The following NUP160 variants were observed in gnomAD, a reference collection of about 807,000 sequenced individuals.
NUP160 encodes nucleoporin 160.
NUP160 carries 94 observed loss-of-function variants against 196.9 expected under a neutral mutation model. The ratio of observed to expected loss-of-function variants is 0.48; its 90% CI spans 0.40 to 0.57. NUP160 has a LOEUF of 0.57. Among genes scored for constraint, NUP160 ranks in the 20% least tolerant of loss-of-function variants. NUP160 has a pLI of 0.00. For synonymous variants in NUP160, 605 were observed against 619.7 expected (o/e 0.98, Z 0.35); for missense variants, 1,638 against 1,748.3 (o/e 0.94, Z 1.13).
chr11:47,815,380 C>T lies in NUP160; in HGVS notation c.1686+99G>A, dbSNP rs371532050. On this transcript the variant is annotated intron_variant, in intron 13 of 35. Transcript: ENST00000378460. ...CCGCAACATTCACCAGACTAACATT[C>T]GGCAAGAGCCACTGAACTTTTTGTT... The T allele has an allele frequency of 2.4e-3, 2,026 of 861,868 alleles. 6 individuals are homozygous for T. The highest frequency in any genetic ancestry group is 4.2e-3 in the South Asian group (168 of 39,592). The allele number at this position is 861,868 out of a possible 1,614,324, so 53.4% of individuals were successfully genotyped here. A position where few individuals can be genotyped will look rare whatever the true frequency, so the allele number is the denominator to read the frequency against.
At chr11:47,792,939 T>G in exon 28 of NUP160, 1 of 1,612,010 alleles carries the variant, frequency 6.2e-7, no homozygotes, top group Non-Finnish European at 8.5e-7. Flanking sequence ...CAAACATCAC[T>G]GTGCCAGCTA....
intron 18 of NUP160, among the ~76,000 whole-genome samples, chr11:47,808,114 C>G (rs1240610779): frequency 1.3e-5 from 2 of 152,182 alleles, no homozygotes; most frequent in Non-Finnish European, 2.9e-5. Context: ...GAAACCCCAT[C>G]TCTACAAAAG....
chr11:47,846,541 C>T (rs1450359760), intron 2 of NUP160, among the ~76,000 whole-genome samples: 3 of 152,132 alleles, frequency 2.0e-5, no homozygotes, highest in Non-Finnish European at 1.5e-5. Context: ...TTTTACCATC[C>T]CTTACCCCAT....
chr11:47,805,695 T>A (rs1011681030), intron 20 of NUP160, among the ~76,000 whole-genome samples: 3 of 151,608 alleles, frequency 2.0e-5, no homozygotes, highest in Non-Finnish European at 4.4e-5. Context: ...ATCTGCCCGC[T>A]TCTGCCTCCC....
At chr11:47,822,133 C>T in exon 8 of NUP160, 1 of 1,610,516 alleles carries the variant, frequency 6.2e-7, no homozygotes, top group Non-Finnish European at 8.5e-7. Context: ...ATAGCGATTA[C>T]TCTCAGTGCT....
intron 17 of NUP160, 98 bp from the exon 18 acceptor site, chr11:47,808,627 A>G (rs1266593905): frequency 1.0e-6 from 1 of 974,700 alleles, no homozygotes; most frequent in Non-Finnish European, 1.5e-6. Context: ...TAACAAATAC[A>G]AAGGTCACAA....
rs1303168716 is a variant in NUP160 at position 47,834,106 on chromosome 11, A to G, written c.1101+1545T>C. Among the ~76,000 whole-genome samples the G allele has an allele frequency of 2.6e-5, 4 of 152,174 alleles. No individual in the cohort carries two copies. The East Asian group carries it at 5.8e-4, about 22-fold the overall frequency. ...AGTAATTTAGATACTGCATAATATA[A>G]AATGTGTCAATCCACATCCAGCCAG... On this transcript the variant is annotated intron_variant, in intron 7 of 35. Coordinates refer to ENST00000378460, the Ensembl canonical transcript of NUP160.
chr11:47,801,904 T>A, exon 23 of NUP160: 2 of 1,613,972 alleles, frequency 1.2e-6, no homozygotes, highest in Non-Finnish European at 1.7e-6. Context: ...CTACTTCAGA[T>A]GCTGCCTGAC....
chr11:47,811,521 G>T (rs952805854), intron 17 of NUP160, among the ~76,000 whole-genome samples: 1 of 151,300 alleles, frequency 6.6e-6, no homozygotes, highest in Non-Finnish European at 1.5e-5. Flanking sequence ...GAAAAAAAAA[G>T]AGTTTTCTTT....
At position 47,801,663 on chromosome 11, in the gene NUP160, T is replaced by C. The variant is rs1220087836; in HGVS notation, c.2895+148A>G. 3 of 762,484 alleles carry C rather than the reference T, an allele frequency of 3.9e-6. No homozygotes were observed. In the African/African-American group the frequency reaches 5.4e-5, roughly 14 times the overall value. The allele number at this position is 762,484 out of a possible 1,614,324, so 47.2% of individuals were successfully genotyped here. A position where few individuals can be genotyped will look rare whatever the true frequency, so the allele number is the denominator to read the frequency against. Reference sequence around the variant, plus strand: ...CCGTGCCCGGCCATGTTTCTTTAATTTCTCTAGGCAAATTCATTTTTTTTA... The same window carrying C: ...CCGTGCCCGGCCATGTTTCTTTAATCTCTCTAGGCAAATTCATTTTTTTTA... On this transcript the variant is annotated intron_variant, in intron 23 of 35. Transcript: ENST00000378460.
intron 11 of NUP160, among the ~76,000 whole-genome samples, chr11:47,816,348 A>G (rs1262553021): frequency 2.0e-5 from 3 of 152,252 alleles, no homozygotes; most frequent in Admixed American, 6.5e-5. Context: ...TAAAGGCTGA[A>G]TAACTATCAC....
intron 28 of NUP160, chr11:47,792,557 C>T (rs976467908): frequency 4.1e-5 from 18 of 438,738 alleles, no homozygotes; most frequent in South Asian, 6.7e-5. Flanking sequence ...GGTCTAACTC[C>T]AAAACCACTC....
At chr11:47,815,970 T>C in exon 12 of NUP160, 1 of 1,613,592 alleles carries the variant, frequency 6.2e-7, no homozygotes, top group Non-Finnish European at 8.5e-7. Context: ...CTAAAGTAAC[T>C]TCTTTCTTCA....
At chr11:47,785,456 C>G (rs755885253) in intron 32 of NUP160, among the ~76,000 whole-genome samples, 3 of 152,120 alleles carry the variant, frequency 2.0e-5, no homozygotes, top group Non-Finnish European at 4.4e-5. Context: ...TAGAAATTAA[C>G]AACTGAATCA....
chr11:47,792,235 C>A, intron 28 of NUP160: 1 of 411,712 alleles, frequency 2.4e-6, no homozygotes, highest in East Asian at 4.4e-5. Context: ...CCATGTAAAT[C>A]AACTAATTTT....
chr11:47,815,957 C>G, exon 12 of NUP160: 1 of 1,612,754 alleles, frequency 6.2e-7, no homozygotes, highest in Non-Finnish European at 8.5e-7. Context: ...TCATTTTCAA[C>G]AGCTAAAGTA....
intron 31 of NUP160, 78 bp from the exon 32 acceptor site, chr11:47,786,632 A>G: frequency 1.2e-6 from 1 of 853,956 alleles, no homozygotes; most frequent in Non-Finnish European, 2.0e-6. Context: ...AACTAGAGAG[A>G]TAGATGACAA....
chr11:47,799,199 C>CCTCA (rs1366080457), intron 23 of NUP160, among the ~76,000 whole-genome samples: 1 of 151,880 alleles, frequency 6.6e-6, no homozygotes, highest in Non-Finnish European at 1.5e-5. Context: ...GATTCTCCTG[C>CCTCA]CTCAGCCTCC....
At chr11:47,792,069 T>C (rs972565752) in intron 28 of NUP160, 79 bp from the exon 29 acceptor site, 2 of 974,386 alleles carry the variant, frequency 2.1e-6, no homozygotes, top group Admixed American at 4.9e-5. Flanking sequence ...TCATAGCTTT[T>C]ATGCTTAAAT....
Sources: allele counts gnomAD v4.1 joint callset (sites outside exome capture counted in the v4.1 genomes callset), GRCh38; gene constraint gnomAD v4.1.1; transcripts MANE v1.5; gene names NCBI Gene and HGNC (gene_info 2026-07-23, HGNC 2026-07-21).